The following ARPC1B variants were observed in gnomAD, a reference collection of about 807,000 sequenced individuals.
The protein encoded by ARPC1B is actin related protein 2/3 complex subunit 1B.
Under a neutral mutation model 46.0 loss-of-function variants are expected in ARPC1B, and 29 were observed. The ratio of observed to expected loss-of-function variants is 0.63; its 90% CI spans 0.47 to 0.86. The LOEUF (loss-of-function observed/expected upper bound fraction) is 0.86. ARPC1B is among the 40% of genes least tolerant of loss of function. The pLI, the probability that ARPC1B is intolerant of heterozygous loss-of-function variation, is 0.00. For missense variants in ARPC1B, 469 were observed against 529.4 expected (o/e 0.89, Z 1.12); for synonymous variants, 201 against 213.9 (o/e 0.94, Z 0.53).
intron 1 of ARPC1B, among the ~76,000 whole-genome samples, chr7:99,381,149 C>T (rs1409469641): frequency 6.6e-6 from 1 of 152,206 alleles, no homozygotes; most frequent in Non-Finnish European, 1.5e-5. Flanking sequence ...TTCCGGGGCC[C>T]TCACCTTACA....
rs192984637 is a variant in ARPC1B, at chr7:99,392,901, G to T, written c.989+25G>T. On this transcript the variant is annotated intron_variant, in intron 8 of 9. Coordinates refer to ENST00000646101, the MANE Select transcript of ARPC1B (RefSeq NM_005720.4). ...GGTGAGAGCGGGAGCCGGGCCGGCGGGTGGGCGGGGCCTCGGCTCGCCCAG... is the reference window on the plus strand; with the variant it reads ...GGTGAGAGCGGGAGCCGGGCCGGCGTGTGGGCGGGGCCTCGGCTCGCCCAG... The T allele has an allele frequency of 9.0e-4, 1,364 of 1,520,804 alleles. 13 individuals are homozygous for T. In the African/African-American group the frequency reaches 0.017, roughly 18 times the overall value. The allele number at this position is 1,520,804 out of a possible 1,614,324, so 94.2% of individuals were successfully genotyped here.
At chr7:99,375,037 C>A (rs1266148980) in intron 1 of ARPC1B, among the ~76,000 whole-genome samples, 1 of 150,940 alleles carries the variant, frequency 6.6e-6, no homozygotes, top group Non-Finnish European at 1.5e-5. Flanking sequence ...GGAGAGGGAG[C>A]CCTGGGATTG....
chr7:99,383,544 A>G (rs183960287), intron 1 of ARPC1B, among the ~76,000 whole-genome samples: 35 of 152,328 alleles, frequency 2.3e-4, no homozygotes, highest in Admixed American at 9.2e-4. Flanking sequence ...CAGTGAGTGC[A>G]TGTCTGATGG....
chr7:99,393,707 G>T (rs1222748932), intron 8 of ARPC1B, among the ~76,000 whole-genome samples: 2 of 152,168 alleles, frequency 1.3e-5, no homozygotes, highest in African/African-American at 4.8e-5. Flanking sequence ...AAACACCTTT[G>T]TCCAGCTATC....
chr7:99,385,688 T>C lies in ARPC1B; in HGVS notation c.-13-14T>C, dbSNP rs745915386. ...GGGGCTGACGTGGATTCTCTCTTCC[T>C]CTCTCGGGCACAGGAGCCAAGCCGC... On this transcript the variant is annotated splice_polypyrimidine_tract_variant and intron_variant, in intron 1 of 9. Coordinates refer to ENST00000646101, the MANE Select transcript of ARPC1B (RefSeq NM_005720.4). 6.2e-7 allele frequency: 1 copy of C among 1,601,456 alleles called. No homozygotes were observed. Among genetic ancestry groups the C allele is most frequent in the South Asian group, 1.1e-5 (1 of 89,108 alleles).
intron 7 of ARPC1B, among the ~76,000 whole-genome samples, chr7:99,391,538 A>G (rs2150896850): frequency 6.6e-6 from 1 of 152,014 alleles, no homozygotes; most frequent in African/African-American, 2.4e-5. Flanking sequence ...GGAGGCCACG[A>G]GTTTGAGACC....
At position 99,374,915 on chromosome 7, in the gene ARPC1B, G is replaced by C. The variant is rs1356314367; in HGVS notation, c.-14+134G>C. The C allele has an allele frequency of 1.3e-5, 2 of 151,744 alleles. No individual in the cohort carries two copies. The highest frequency in any genetic ancestry group is 4.9e-5 in the African/African-American group (2 of 41,152). The allele number at this position is 151,744 out of a possible 1,614,324, so 9.4% of individuals were successfully genotyped here. A position where few individuals can be genotyped will look rare whatever the true frequency, so the allele number is the denominator to read the frequency against. On this transcript the variant is annotated intron_variant, in intron 1 of 9. Coordinates refer to ENST00000646101, the MANE Select transcript of ARPC1B (RefSeq NM_005720.4). The surrounding 1 kb of genome is among the most constrained non-coding windows in gnomAD (Gnocchi z 5.0). Reference sequence around the variant, plus strand: ...AGAGGGGGTGCAAGGAGGGGACCGGGGGGCGCCTGGAAGTGAGGACGCATA... The same window carrying C: ...AGAGGGGGTGCAAGGAGGGGACCGGCGGGCGCCTGGAAGTGAGGACGCATA...
In ARPC1B at chr7:99,374,802, C is replaced by G. The variant is rs1470936130; in HGVS notation, c.-14+21C>G. ...GGGAGGTGAGGGCCGTGGGGGCGCC[C>G]GGAGGTGGGGGTCAGGGGAGCCACC... On this transcript the variant is annotated intron_variant, in intron 1 of 9. Transcript: ENST00000646101. This position sits in a 1 kb window ranked among gnomAD's most constrained non-coding sequence, Gnocchi z 5.0. 1 of 151,142 alleles carries G rather than the reference C, an allele frequency of 6.6e-6. No homozygotes were observed. Among genetic ancestry groups the G allele is most frequent in the Non-Finnish European group, 1.5e-5 (1 of 67,814 alleles). 9.4% of individuals were successfully genotyped at this position (151,142 alleles called of 1,614,324 possible).
In ARPC1B at chr7:99,386,671, C is replaced by A; in HGVS notation, c.65-14C>A. On this transcript the variant is annotated splice_polypyrimidine_tract_variant and intron_variant, in intron 2 of 9. Transcript: ENST00000646101. Reference sequence around the variant, plus strand: ...TGGAGAGGGCCCCTCAATCTCCCTCCATCTCCCCTTCAGAGATTGCCATCT... The same window carrying A: ...TGGAGAGGGCCCCTCAATCTCCCTCAATCTCCCCTTCAGAGATTGCCATCT... 1 of 1,600,884 alleles carries A rather than the reference C, an allele frequency of 6.2e-7. No homozygotes were observed. The highest frequency in any genetic ancestry group is 8.6e-7 in the Non-Finnish European group (1 of 1,168,194).
Position 99,388,047 on chromosome 7 carries a change from T to C in ARPC1B, c.178T>C (p.Trp60Arg). The C allele has an allele frequency of 6.2e-7, 1 of 1,602,746 alleles. No individual in the cohort carries two copies. Among genetic ancestry groups the C allele is most frequent in the East Asian group, 2.2e-5 (1 of 44,484 alleles). The change falls in exon 4 of 10, where the codon TGG becomes CGG. Residue 60 changes from tryptophan (W) to arginine (R), a missense_variant. Transcript: ENST00000646101. ...CCTCCATCCCCCCACAGGCATCGAC[T>C]GGGCCCCCGAGAGTAACCGTATTGT... Reference protein sequence around the residue: ...EHNGQVTGIDWAPESNRIVTC... With the variant: ...EHNGQVTGIDRAPESNRIVTC...
Position 99,384,954 on chromosome 7 carries a change from ATTTTTTTTTTTTT to A in ARPC1B, c.-13-731_-13-719del, listed in dbSNP as rs753952597. Among the ~76,000 whole-genome samples, 459 of 67,430 alleles carry A rather than the reference ATTTTTTTTTTTTT, an allele frequency of 6.8e-3. 2 individuals carry two copies. Among genetic ancestry groups the A allele is most frequent in the African/African-American group, 0.032 (431 of 13,322 alleles). The allele number at this position is 67,430 out of a possible 152,430, so 44.2% of individuals were successfully genotyped here. On this transcript the variant is annotated intron_variant, in intron 1 of 9. Coordinates refer to ENST00000646101, the MANE Select transcript of ARPC1B (RefSeq NM_005720.4). Reference sequence around the variant, plus strand: ...AGGCAGGTGCCACCACACCTGGCTAATTTTTTTTTTTTTTTTTTTTTTTTTTTTTGAGACGGAG... The same window carrying A: ...AGGCAGGTGCCACCACACCTGGCTAATTTTTTTTTTTTTTTTGAGACGGAG...
At chr7:99,386,176 A>G (rs1165288497) in intron 2 of ARPC1B, among the ~76,000 whole-genome samples, 1 of 151,608 alleles carries the variant, frequency 6.6e-6, no homozygotes, top group Admixed American at 6.6e-5. Context: ...GCTTGAACCC[A>G]GGAGGCGGAG....
At chr7:99,391,631 A>G (rs959325606) in intron 7 of ARPC1B, among the ~76,000 whole-genome samples, 3 of 151,886 alleles carry the variant, frequency 2.0e-5, no homozygotes, top group Non-Finnish European at 4.4e-5. Context: ...CTGTAATCTC[A>G]TAATCCCAGT....
chr7:99,394,738 T>C lies in ARPC1B; in HGVS notation c.*249T>C. 1 of 1,215,582 alleles carries C rather than the reference T, an allele frequency of 8.2e-7. No homozygotes were observed. The highest frequency in any genetic ancestry group is 1.0e-6 in the Non-Finnish European group (1 of 987,328). The allele number at this position is 1,215,582 out of a possible 1,614,324, so 75.3% of individuals were successfully genotyped here. On this transcript the variant is annotated 3_prime_UTR_variant, in exon 10 of 10. Transcript: ENST00000646101. ...TGCCCCCAAAGCACTATGCTGGTCA[T>C]GAACTGCTTCAAAATGTGGAGGTAA...
At chr7:99,392,097 C>T (rs1305789183) in intron 7 of ARPC1B, 1 of 152,822 alleles carries the variant, frequency 6.5e-6, no homozygotes, top group African/African-American at 2.4e-5. Context: ...GTGAGGTGCT[C>T]TGATGGAAGC....
At chr7:99,392,522 T>C (rs1353823235) in intron 7 of ARPC1B, 149 bp from the exon 8 acceptor site, 2 of 699,042 alleles carry the variant, frequency 2.9e-6, no homozygotes, top group Admixed American at 3.3e-5. Context: ...CCGGTTTTGA[T>C]ACACCTGCAA....
chr7:99,391,278 G>A, intron 7 of ARPC1B, 25 bp downstream of exon 7: 1 of 1,610,384 alleles, frequency 6.2e-7, no homozygotes, highest in Non-Finnish European at 8.5e-7. Flanking sequence ...GGGGAGGGAG[G>A]GTGTGTGGTC....
Position 99,394,135 on chromosome 7 carries a change from C to T in ARPC1B, c.1080+16C>T. 1 of 1,611,998 alleles carries T rather than the reference C, an allele frequency of 6.2e-7. No individual in the cohort carries two copies. ...GGATGTGAAGGTGAGGCTTGCCCCT[C>T]CTGGCTTCCCGCCATGCCTCCCAGG... On this transcript the variant is annotated intron_variant, in intron 9 of 9. Transcript: ENST00000646101.
At chr7:99,381,597 T>C (rs1206516367) in intron 1 of ARPC1B, among the ~76,000 whole-genome samples, 1 of 152,096 alleles carries the variant, frequency 6.6e-6, no homozygotes. Flanking sequence ...GCCCCGTGCA[T>C]GTACACATGT....
Sources: allele counts gnomAD v4.1 joint callset (sites outside exome capture counted in the v4.1 genomes callset), GRCh38; gene constraint gnomAD v4.1.1; non-coding constraint Gnocchi (gnomAD v3.1); transcripts MANE v1.5; gene names NCBI Gene and HGNC (gene_info 2026-07-23, HGNC 2026-07-21).